The following RGS12 variants were observed in gnomAD, a reference collection of about 807,000 sequenced individuals.
RGS12 encodes the protein regulator of G-protein signaling 12.
A neutral mutation model predicts 120.1 loss-of-function variants in RGS12; 66 were observed. The ratio of observed to expected loss-of-function variants is 0.55; its 90% CI spans 0.45 to 0.67. The LOEUF (loss-of-function observed/expected upper bound fraction) is 0.67. RGS12 is among the 30% of genes least tolerant of loss of function. RGS12 has a pLI of 0.00. For synonymous variants in RGS12, 827 were observed against 804.7 expected (o/e 1.03, Z -0.47); for missense variants, 1,859 against 1,957.7 (o/e 0.95, Z 0.95).
chr4:3,350,775 G>A (rs866809492), intron 3 of RGS12, among the ~76,000 whole-genome samples: 20 of 152,172 alleles, frequency 1.3e-4, no homozygotes, highest in African/African-American at 3.9e-4. Context: ...TTACATGAGT[G>A]CTTGTTTAAG....
At chr4:3,340,092 C>T (rs949199197) in intron 2 of RGS12, among the ~76,000 whole-genome samples, 8 of 152,254 alleles carry the variant, frequency 5.3e-5, no homozygotes, top group Admixed American at 2.6e-4. Flanking sequence ...GTCTGCATGC[C>T]GTACAGGTGC....
chr4:3,381,401 A>G (rs1479136038), intron 3 of RGS12, among the ~76,000 whole-genome samples: 5 of 152,224 alleles, frequency 3.3e-5, no homozygotes, highest in Non-Finnish European at 7.3e-5. Flanking sequence ...TACTTCTGGT[A>G]GCAATTTACT....
At position 3,345,115 on chromosome 4, in the gene RGS12, G is replaced by A. The variant is rs181018636; in HGVS notation, c.1998+2062G>A. 3.3e-5 allele frequency among the ~76,000 whole-genome samples: 5 copies of A among 152,344 alleles called. No homozygotes were observed. The East Asian group carries it at 7.7e-4, about 23-fold the overall frequency. ...ACAGCAGTTTTTCAAGGAAAAATGAGGAGGATCACAGGATTGTTTTGAGAT... is the reference window on the plus strand; with the variant it reads ...ACAGCAGTTTTTCAAGGAAAAATGAAGAGGATCACAGGATTGTTTTGAGAT... On this transcript the variant is annotated intron_variant, in intron 3 of 17. Transcript: ENST00000336727.
chr4:3,422,613 C>T (rs1280160327), intron 11 of RGS12, 43 bp downstream of exon 11: 5 of 1,570,724 alleles, frequency 3.2e-6, no homozygotes, highest in Non-Finnish European at 4.3e-6. Flanking sequence ...CAGGCCATGA[C>T]CTCCCCGCTC....
chr4:3,304,304 C>T (rs1308994810), intron 1 of RGS12, among the ~76,000 whole-genome samples: 1 of 152,220 alleles, frequency 6.6e-6, no homozygotes, highest in Non-Finnish European at 1.5e-5. Flanking sequence ...AAAAACTACT[C>T]ATAATGTTGG....
intron 4 of RGS12, among the ~76,000 whole-genome samples, chr4:3,388,456 A>C (rs1042243342): frequency 2.0e-5 from 3 of 152,210 alleles, no homozygotes; most frequent in African/African-American, 7.2e-5. Context: ...CCGTTGTTAG[A>C]TGTAGGGCAC....
chr4:3,362,878 T>C (rs1715839299), intron 3 of RGS12, among the ~76,000 whole-genome samples: 1 of 150,684 alleles, frequency 6.6e-6, no homozygotes, highest in Non-Finnish European at 1.5e-5. Flanking sequence ...GGTGTGTGTG[T>C]GTGAGAGCAT....
At position 3,379,043 on chromosome 4, in the gene RGS12, G is replaced by A. The variant is rs200356196; in HGVS notation, c.1999-7373G>A. On this transcript the variant is annotated intron_variant, in intron 3 of 17. Transcript: ENST00000336727. The stretch of plus-strand genomic sequence containing the variant: ...TGTGTGTGTGTGTGTGTGTGTGTGT[G>A]TGTTTAGAGAGAGAATGAGAATAGC... 9.2e-4 allele frequency among the ~76,000 whole-genome samples: 124 copies of A among 135,394 alleles called. 2 individuals carry two copies. The highest frequency in any genetic ancestry group is 4.1e-3 in the Middle Eastern group (1 of 242). The allele number at this position is 135,394 out of a possible 152,430, so 88.8% of individuals were successfully genotyped here.
At chr4:3,386,857 A>G (rs1718908586) in intron 4 of RGS12, among the ~76,000 whole-genome samples, 6 of 152,242 alleles carry the variant, frequency 3.9e-5, no homozygotes, top group Admixed American at 3.9e-4. Flanking sequence ...AATTTTCTCA[A>G]GAAAAGTATA....
At chr4:3,286,787 C>T in the RGS12 span, among the ~76,000 whole-genome samples, 1 of 152,214 alleles carries the variant, frequency 6.6e-6, no homozygotes, top group Non-Finnish European at 1.5e-5. Context: ...CATCTGTAAA[C>T]GGGCATGTGC....
intron 1 of RGS12, among the ~76,000 whole-genome samples, chr4:3,310,091 T>G: frequency 8.9e-6 from 1 of 112,530 alleles, no homozygotes; most frequent in Non-Finnish European, 1.7e-5. Context: ...ACCCGGGAAA[T>G]GGCAGGTGTC....
chr4:3,291,346 C>A (rs2110337766), upstream of RGS12, among the ~76,000 whole-genome samples: 1 of 105,918 alleles, frequency 9.4e-6, no homozygotes, highest in Admixed American at 9.6e-5. Flanking sequence ...TCTTTCCTGG[C>A]TCTTTTTTTT....
At chr4:3,342,094 C>T (rs1187950221) in intron 2 of RGS12, among the ~76,000 whole-genome samples, 5 of 151,804 alleles carry the variant, frequency 3.3e-5, no homozygotes, top group African/African-American at 2.4e-5. Flanking sequence ...TAGGGACTCT[C>T]AAGGAATTGT....
chr4:3,379,047 TTAGAG>T (rs1250919890), intron 3 of RGS12, among the ~76,000 whole-genome samples: 2 of 119,986 alleles, frequency 1.7e-5, no homozygotes, highest in Admixed American at 1.6e-4. Context: ...GTGTGTGTGT[TTAGAG>T]AGAGAATGAG....
In RGS12 at chr4:3,391,692, T is replaced by C. The variant is rs1719518695; in HGVS notation, c.2020+5255T>C. Among the ~76,000 whole-genome samples the C allele has an allele frequency of 2.0e-5, 3 of 152,276 alleles. No individual in the cohort carries two copies. The South Asian group carries it at 6.2e-4, about 32-fold the overall frequency. On this transcript the variant is annotated intron_variant, in intron 4 of 17. Transcript: ENST00000336727. Reference sequence around the variant, plus strand: ...GCAGTGTCCGCCCTGTTTGGTGGTCTGGAGGCCATGTCAGAGAGGGCTGCC... The same window carrying C: ...GCAGTGTCCGCCCTGTTTGGTGGTCCGGAGGCCATGTCAGAGAGGGCTGCC...
intron 2 of RGS12, among the ~76,000 whole-genome samples, chr4:3,333,675 C>T (rs147694143): frequency 6.6e-6 from 1 of 152,186 alleles, no homozygotes; most frequent in Non-Finnish European, 1.5e-5. Flanking sequence ...TTTCTTAGTT[C>T]TGTGTTCCTT....
chr4:3,353,669 A>C (rs1188275631), intron 3 of RGS12, among the ~76,000 whole-genome samples: 3 of 152,080 alleles, frequency 2.0e-5, no homozygotes, highest in Non-Finnish European at 4.4e-5. Flanking sequence ...TTACCTAGTG[A>C]GTGAAGGAAC....
At chr4:3,337,565 C>G (rs550623888) in intron 2 of RGS12, among the ~76,000 whole-genome samples, 2 of 152,256 alleles carry the variant, frequency 1.3e-5, no homozygotes, top group South Asian at 4.1e-4. Flanking sequence ...ATGGATGACC[C>G]TTGAGGACAC....
intron 2 of RGS12, among the ~76,000 whole-genome samples, chr4:3,326,418 T>A (rs1015492766): frequency 9.9e-5 from 15 of 152,170 alleles, no homozygotes; most frequent in Non-Finnish European, 2.1e-4. Flanking sequence ...GGCTAATTTT[T>A]AAATTTTTTT....
Sources: allele counts gnomAD v4.1 joint callset (sites outside exome capture counted in the v4.1 genomes callset), GRCh38; gene constraint gnomAD v4.1.1; transcripts MANE v1.5; gene names NCBI Gene and HGNC (gene_info 2026-07-23, HGNC 2026-07-21).